LINGO2: variants seen among roughly 807,000 people sequenced by gnomAD.
LINGO2 encodes leucine-rich repeat and immunoglobulin-like domain-containing nogo receptor-interacting protein 2.
In LINGO2, 14 loss-of-function variants were observed where a neutral mutation model predicts 30.6. The ratio of observed to expected loss-of-function variants is 0.46; its 90% CI spans 0.30 to 0.72. The LOEUF (loss-of-function observed/expected upper bound fraction) is 0.72, where lower values mean the gene tolerates loss of function less well. Ranked by LOEUF, LINGO2 falls within the 30% of genes least tolerant of loss-of-function variation. The probability of loss-of-function intolerance (pLI) is 0.07; values close to 1 mark genes in which losing one functional copy is unlikely to be tolerated. For missense variants in LINGO2, 729 were observed against 751.7 expected, an observed-to-expected ratio of 0.97 and a Z score of 0.35; for synonymous variants, 317 against 288.5, an observed-to-expected ratio of 1.10 and a Z score of -1.00.
chr9:27,949,981 C>G, exon 6 of LINGO2: 1 of 1,614,058 alleles, frequency 6.2e-7, no homozygotes. Context: ...TAGTCAATCT[C>G]TAGGTGTTTC....
intron 4 of LINGO2, among the ~76,000 whole-genome samples, chr9:28,022,781 C>T (rs1823194856): frequency 6.6e-6 from 1 of 151,756 alleles, no homozygotes; most frequent in Admixed American, 6.6e-5. Context: ...TACATTTCTT[C>T]TGTTTTCTCT....
the LINGO2 span, among the ~76,000 whole-genome samples, chr9:29,118,174 A>G: frequency 6.6e-6 from 1 of 152,260 alleles, no homozygotes; most frequent in South Asian, 2.1e-4. Flanking sequence ...TTTGGGTTCC[A>G]AAGAGGTTGA....
At chr9:27,953,744 T>C (rs1471985279) in intron 5 of LINGO2, among the ~76,000 whole-genome samples, 1 of 151,970 alleles carries the variant, frequency 6.6e-6, no homozygotes, top group African/African-American at 2.4e-5. Context: ...CAATTAAACC[T>C]CTTTTCTTTA....
intron 4 of LINGO2, among the ~76,000 whole-genome samples, chr9:28,071,856 T>C (rs1269724432): frequency 6.6e-6 from 1 of 152,186 alleles, no homozygotes; most frequent in Non-Finnish European, 1.5e-5. Context: ...TATTTATTAT[T>C]GCAGAGTGAA....
At chr9:27,946,693 A>G (rs1823376241), downstream of LINGO2, among the ~76,000 whole-genome samples, 1 of 152,152 alleles carries the variant, frequency 6.6e-6, no homozygotes, top group South Asian at 2.1e-4. Context: ...TGGATTTGTG[A>G]TAGAGTTTGC....
chr9:28,036,901 A>G (rs561930533), intron 4 of LINGO2, among the ~76,000 whole-genome samples: 1 of 152,238 alleles, frequency 6.6e-6, no homozygotes, highest in African/African-American at 2.4e-5. Flanking sequence ...GTCTGAAAGT[A>G]AAATTGGACT....
At chr9:29,099,620 G>C in the LINGO2 span, among the ~76,000 whole-genome samples, 6 of 152,224 alleles carry the variant, frequency 3.9e-5, no homozygotes, top group East Asian at 7.7e-4. Flanking sequence ...GCAGCAAACA[G>C]GTATATGAAA....
intron 4 of LINGO2, among the ~76,000 whole-genome samples, chr9:28,282,717 C>T (rs539801547): frequency 1.7e-4 from 26 of 152,026 alleles, no homozygotes; most frequent in African/African-American, 5.5e-4. Flanking sequence ...GGGAGACTTT[C>T]TAGGAGGTAT....
intron 2 of LINGO2, among the ~76,000 whole-genome samples, chr9:28,459,177 A>G (rs1234748920): frequency 6.6e-6 from 1 of 152,118 alleles, no homozygotes; most frequent in Non-Finnish European, 1.5e-5. Flanking sequence ...GTAAACTTCA[A>G]AAGGCAATCA....
intron 3 of LINGO2, among the ~76,000 whole-genome samples, chr9:28,344,042 C>A (rs918807271): frequency 4.6e-5 from 7 of 152,064 alleles, no homozygotes; most frequent in Admixed American, 2.0e-4. Context: ...TGTATCTCGT[C>A]CCCCAGCTCT....
chr9:28,750,803 C>G, the LINGO2 span, among the ~76,000 whole-genome samples: 2 of 151,986 alleles, frequency 1.3e-5, no homozygotes, highest in African/African-American at 4.8e-5. Context: ...TAGTATTTGG[C>G]ACATACTTTG....
At chr9:28,759,876 G>A in the LINGO2 span, among the ~76,000 whole-genome samples, 7 of 151,924 alleles carry the variant, frequency 4.6e-5, no homozygotes, top group African/African-American at 1.7e-4. Flanking sequence ...AATTAGAAGA[G>A]GGTAAAACAT....
chr9:28,499,109 T>C (rs1819782642), intron 1 of LINGO2, among the ~76,000 whole-genome samples: 1 of 152,218 alleles, frequency 6.6e-6, no homozygotes, highest in Admixed American at 6.5e-5. Context: ...TACTTAACTC[T>C]AACATGTTAT....
chr9:28,088,639 GA>G (rs1481008613), intron 4 of LINGO2, among the ~76,000 whole-genome samples: 1 of 152,104 alleles, frequency 6.6e-6, no homozygotes, highest in African/African-American at 2.4e-5. Flanking sequence ...GACCAAGCAT[GA>G]AGAAACTGTA....
chr9:28,994,819 T>G, the LINGO2 span, among the ~76,000 whole-genome samples: 1 of 152,164 alleles, frequency 6.6e-6, no homozygotes, highest in Admixed American at 6.6e-5. Context: ...TAGCCATATG[T>G]AGAAAGCTGA....
chr9:28,914,018 T>C, the LINGO2 span, among the ~76,000 whole-genome samples: 6,847 of 152,158 alleles, frequency 0.045, 199 homozygotes, highest in Non-Finnish European at 0.067. Flanking sequence ...ATAGAAAAAA[T>C]TTAGAAGTCA....
intron 4 of LINGO2, among the ~76,000 whole-genome samples, chr9:28,025,123 G>A (rs190367994): frequency 3.3e-5 from 5 of 152,292 alleles, no homozygotes; most frequent in Admixed American, 6.5e-5. Context: ...CTTGACAGAT[G>A]ATGCTGAGAA....
rs1301870681 is a variant in LINGO2 at position 28,561,747 on chromosome 9, GTGTATATA to G, written c.-364-85730_-364-85723del. ...ATTATATATAATTTTGTGTGTGTGTGTGTATATATATATATATATATATATATATATAT... is the reference window on the plus strand; with the variant it reads ...ATTATATATAATTTTGTGTGTGTGTGTATATATATATATATATATATATAT... On this transcript the variant is annotated intron_variant, in intron 1 of 5. Coordinates refer to ENST00000379992, the Ensembl canonical transcript of LINGO2. 8.9e-4 allele frequency among the ~76,000 whole-genome samples: 32 copies of G among 35,850 alleles called. 1 individual carries two copies. Among genetic ancestry groups the G allele is most frequent in the African/African-American group, 3.8e-3 (28 of 7,348 alleles). The allele number at this position is 35,850 out of a possible 152,430, so 23.5% of individuals were successfully genotyped here. A position where few individuals can be genotyped will look rare whatever the true frequency, so the allele number is the denominator to read the frequency against.
At chr9:28,230,699 T>C (rs996454410) in intron 4 of LINGO2, among the ~76,000 whole-genome samples, 15 of 152,060 alleles carry the variant, frequency 9.9e-5, no homozygotes, top group African/African-American at 3.4e-4. Context: ...TGCAAATTAA[T>C]TTGTAAATAA....
Sources: allele counts gnomAD v4.1 joint callset (sites outside exome capture counted in the v4.1 genomes callset), GRCh38; gene constraint gnomAD v4.1.1; transcripts MANE v1.5; gene names NCBI Gene and HGNC (gene_info 2026-07-23, HGNC 2026-07-21).